Variants in VTA1 observed in about 807,000 individuals in gnomAD.
The protein encoded by VTA1 is vacuolar protein sorting-associated protein VTA1 homolog.
Under a neutral mutation model 36.9 loss-of-function variants are expected in VTA1, and 24 were observed. The observed-to-expected ratio is 0.65, with a 90% CI of 0.47 to 0.91. The LOEUF (loss-of-function observed/expected upper bound fraction) is 0.91. Among genes scored for constraint, VTA1 ranks in the 40% least tolerant of loss-of-function variants. VTA1 has a pLI of 0.00. For synonymous variants in VTA1, 142 were observed against 130.2 expected, an observed-to-expected ratio of 1.09 and a Z score of -0.62; for missense variants, 393 against 377.2, an observed-to-expected ratio of 1.04 and a Z score of -0.35.
At chr6:142,167,620 T>G (rs1774945814) in intron 2 of VTA1, among the ~76,000 whole-genome samples, 1 of 152,206 alleles carries the variant, frequency 6.6e-6, no homozygotes, top group Admixed American at 6.5e-5. Context: ...TACCTAGTTG[T>G]ATAAAGCAGC....
rs182953463 is a variant in VTA1 at position 142,203,375 on chromosome 6, T to G, written c.698-610T>G. Among the ~76,000 whole-genome samples, 81 of 152,158 alleles carry G rather than the reference T, an allele frequency of 5.3e-4. No individual in the cohort carries two copies. The East Asian group carries it at 0.013, about 24-fold the overall frequency. On this transcript the variant is annotated intron_variant, in intron 6 of 7. Transcript: ENST00000367630. Reference sequence around the variant, plus strand: ...TGATTGAATCATTTCAGTCCTTTTTTGGGGGAACTTTTAACACTTTTTGTT... The same window carrying G: ...TGATTGAATCATTTCAGTCCTTTTTGGGGGGAACTTTTAACACTTTTTGTT...
intron 4 of VTA1, among the ~76,000 whole-genome samples, chr6:142,183,237 C>G (rs1234082777): frequency 6.6e-6 from 1 of 152,132 alleles, no homozygotes; most frequent in Non-Finnish European, 1.5e-5. Context: ...AAAAACTTGC[C>G]TAGGATGGGT....
Position 142,223,909 on chromosome 6 carries a change from T to A in VTA1, c.*5266T>A, listed in dbSNP as rs1476821597. ...AACAAATGTGGGCAATTCAGGTAAC[T>A]CGAGTAATTTAGTGTTACTATGCAT... On this transcript the variant is annotated 3_prime_UTR_variant, in exon 8 of 8. Coordinates refer to ENST00000367630, the MANE Select transcript of VTA1 (RefSeq NM_016485.5). The A allele has an allele frequency of 1.3e-5, 2 of 151,884 alleles. No homozygotes were observed. Among genetic ancestry groups the A allele is most frequent in the Non-Finnish European group, 2.9e-5 (2 of 68,022 alleles). 9.4% of individuals were successfully genotyped at this position (151,884 alleles called of 1,614,324 possible).
Position 142,220,792 on chromosome 6 carries a change from A to G in VTA1, c.*2149A>G, listed in dbSNP as rs765478764. ...TTCTGATGTAACAGTAGGATTAGCAATTTTCATTTATTCCTTCCATATATA... is the reference window on the plus strand; with the variant it reads ...TTCTGATGTAACAGTAGGATTAGCAGTTTTCATTTATTCCTTCCATATATA... On this transcript the variant is annotated 3_prime_UTR_variant, in exon 8 of 8. Transcript: ENST00000367630. The G allele has an allele frequency of 2.0e-5, 3 of 151,898 alleles. No homozygotes were observed. The highest frequency in any genetic ancestry group is 2.9e-5 in the Non-Finnish European group (2 of 68,008). 9.4% of individuals were successfully genotyped at this position (151,898 alleles called of 1,614,324 possible).
intron 7 of VTA1, among the ~76,000 whole-genome samples, chr6:142,209,386 ATG>A (rs1775856189): frequency 6.6e-6 from 1 of 150,856 alleles, no homozygotes; most frequent in African/African-American, 2.4e-5. Flanking sequence ...TATATACACT[ATG>A]TGTATATATT....
chr6:142,181,455 T>TTG (rs893322058), intron 4 of VTA1, among the ~76,000 whole-genome samples: 2 of 143,652 alleles, frequency 1.4e-5, no homozygotes, highest in African/African-American at 5.1e-5. Flanking sequence ...TTTTTATATT[T>TTG]TATATATATA....
Position 142,183,741 on chromosome 6 carries a change from A to C in VTA1, c.412-5685A>C, listed in dbSNP as rs1775289576. On this transcript the variant is annotated intron_variant, in intron 4 of 7. Transcript: ENST00000367630. The stretch of plus-strand genomic sequence containing the variant: ...TTACATCCTTTATTTTAAAGAAAAC[A>C]ACATTGAAAAGTGAATTAGTGGAAT... Among the ~76,000 whole-genome samples, 12 of 152,332 alleles carry C rather than the reference A, an allele frequency of 7.9e-5. No homozygotes were observed. In the South Asian group the frequency reaches 2.5e-3, roughly 32 times the overall value.
At chr6:142,181,455 T>TTATATATATATATATA (rs10545343) in intron 4 of VTA1, among the ~76,000 whole-genome samples, 105 of 143,650 alleles carry the variant, frequency 7.3e-4, no homozygotes, top group Admixed American at 2.4e-3. Flanking sequence ...TTTTTATATT[T>TTATATATATATATATA]TATATATATA....
intron 1 of VTA1, 36 bp from the exon 2 acceptor site, chr6:142,166,192 A>ATGAAAT (rs1214668881): frequency 1.4e-6 from 2 of 1,457,422 alleles, no homozygotes; most frequent in African/African-American, 2.8e-5. Flanking sequence ...ATGTTTAAAA[A>ATGAAAT]TGAAATTGTT....
intron 2 of VTA1, among the ~76,000 whole-genome samples, chr6:142,167,160 C>T (rs1774932634): frequency 6.6e-6 from 1 of 152,140 alleles, no homozygotes; most frequent in Non-Finnish European, 1.5e-5. Context: ...ACTAATTAGT[C>T]ACCTTCTTGA....
At chr6:142,198,965 G>C (rs186813106) in intron 6 of VTA1, among the ~76,000 whole-genome samples, 10 of 152,090 alleles carry the variant, frequency 6.6e-5, no homozygotes, top group Admixed American at 2.0e-4. Flanking sequence ...GGTGAGTGGA[G>C]TTGATATTAG....
chr6:142,213,593 A>G (rs1311537428), intron 7 of VTA1, among the ~76,000 whole-genome samples: 1 of 152,254 alleles, frequency 6.6e-6, no homozygotes, highest in African/African-American at 2.4e-5. Context: ...GGGCTCCACC[A>G]GTGCAGCACA....
chr6:142,196,792 T>A (rs1156637700), intron 5 of VTA1, among the ~76,000 whole-genome samples: 1 of 152,196 alleles, frequency 6.6e-6, no homozygotes, highest in Non-Finnish European at 1.5e-5. Context: ...GTTGATAACA[T>A]GTTGAAGCTC....
chr6:142,159,060 A>G (rs903390846), intron 1 of VTA1, among the ~76,000 whole-genome samples: 4 of 152,160 alleles, frequency 2.6e-5, no homozygotes, highest in Admixed American at 2.0e-4. Flanking sequence ...TCAAGATCCA[A>G]GTTTTAAATC....
At chr6:142,164,316 G>A (rs180744171) in intron 1 of VTA1, among the ~76,000 whole-genome samples, 79 of 152,110 alleles carry the variant, frequency 5.2e-4, no homozygotes, top group Non-Finnish European at 9.0e-4. Flanking sequence ...TAGTTAGTGT[G>A]CAGTGAAAGC....
rs1776045199 is a variant in VTA1, at chr6:142,218,571, GTA to G, written c.854_855del (p.Tyr285Ter). The G allele has an allele frequency of 6.2e-7, 1 of 1,613,520 alleles. No homozygotes were observed. The highest frequency in any genetic ancestry group is 8.5e-7 in the Non-Finnish European group (1 of 1,179,762). ...GCAAATATGCTGGCAGTGCTTTGCA[GTA>G]TGAAGATGTAAGCACTGCTGTCCAG... ...YCKYAGSALQYEDVSTAVQNL... is the reference protein window; with the variant it reads ...YCKYAGSALQXEDVSTAVQNL... On this transcript the variant is annotated frameshift_variant, in exon 8 of 8. Coordinates refer to ENST00000367630, the MANE Select transcript of VTA1 (RefSeq NM_016485.5). LOFTEE classifies it high-confidence loss of function.
intron 4 of VTA1, among the ~76,000 whole-genome samples, chr6:142,185,180 C>A (rs1261994730): frequency 6.6e-6 from 1 of 152,044 alleles, no homozygotes; most frequent in Non-Finnish European, 1.5e-5. Flanking sequence ...CATGTACTTA[C>A]TATAGGAAAC....
intron 6 of VTA1, among the ~76,000 whole-genome samples, chr6:142,203,076 G>A (rs1033652524): frequency 2.0e-5 from 3 of 151,902 alleles, no homozygotes; most frequent in Admixed American, 6.6e-5. Context: ...AAAAACTTTA[G>A]ACCTTTAGAA....
chr6:142,151,222 A>G (rs1778561445), intron 1 of VTA1, among the ~76,000 whole-genome samples: 1 of 152,176 alleles, frequency 6.6e-6, no homozygotes, highest in Non-Finnish European at 1.5e-5. Flanking sequence ...AGCTGTAGGG[A>G]CAGGGATGTG....
Sources: allele counts gnomAD v4.1 joint callset (sites outside exome capture counted in the v4.1 genomes callset), GRCh38; gene constraint gnomAD v4.1.1; transcripts MANE v1.5; gene names NCBI Gene and HGNC (gene_info 2026-07-23, HGNC 2026-07-21).